DCPS: variants seen among roughly 807,000 people sequenced by gnomAD.
The protein encoded by DCPS is m7GpppX diphosphatase.
A neutral mutation model predicts 34.7 loss-of-function variants in DCPS; 27 were observed. That is an observed-to-expected ratio of 0.78 (90% confidence interval 0.57 to 1.07). DCPS has a LOEUF of 1.07. Among genes scored for constraint, DCPS ranks in the 50% least tolerant of loss-of-function variants. The pLI, the probability that DCPS is intolerant of heterozygous loss-of-function variation, is 0.00. For synonymous variants in DCPS, 185 were observed against 185.7 expected (o/e 1.00, Z 0.03); for missense variants, 464 against 436.9 (o/e 1.06, Z -0.55).
chr11:126,345,478 G>A lies in DCPS; in HGVS notation c.879G>A (p.Glu293=). ...LGFEAPGSGV[E]RAHLLAEVIE... Reference sequence around the variant, plus strand: ...TCGAGGCCCCCGGCTCAGGCGTGGAGCGGGCCCACCTGCTGGCTGAGGTGA... The same window carrying A: ...TCGAGGCCCCCGGCTCAGGCGTGGAACGGGCCCACCTGCTGGCTGAGGTGA... Residue 293 remains glutamate (E), a synonymous_variant, in exon 6 of 6, where the codon GAG becomes GAA. Transcript: ENST00000263579. This position sits in a 1 kb window ranked among gnomAD's most constrained non-coding sequence, Gnocchi z 7.4. 6.2e-7 allele frequency: 1 copy of A among 1,614,200 alleles called. No individual in the cohort carries two copies. The highest frequency in any genetic ancestry group is 8.5e-7 in the Non-Finnish European group (1 of 1,180,038).
chr11:126,329,119 G>A lies in DCPS; in HGVS notation c.377-2286G>A, dbSNP rs867800512. On this transcript the variant is annotated intron_variant, in intron 2 of 5. Transcript: ENST00000263579. The surrounding 1 kb of genome is among the most constrained non-coding windows in gnomAD (Gnocchi z 5.0). ...GGTGGTGCCGTTCAGTCTACTTCAA[G>A]CAGTCTCCCGCCTCTTGAGATCTTG... 1.3e-5 allele frequency among the ~76,000 whole-genome samples: 2 copies of A among 152,156 alleles called. No individual in the cohort carries two copies. Among genetic ancestry groups the A allele is most frequent in the South Asian group, 4.1e-4 (2 of 4,820 alleles).
In DCPS at chr11:126,327,929, G is replaced by A. The variant is rs1199355426; in HGVS notation, c.377-3476G>A. ...CTGTGAGGGAGTGAGAAGTGAAGAG[G>A]AAGCAAGCTGGTGGAGGAGACAGAG... On this transcript the variant is annotated intron_variant, in intron 2 of 5. Transcript: ENST00000263579. This position sits in a 1 kb window ranked among gnomAD's most constrained non-coding sequence, Gnocchi z 4.1. Among the ~76,000 whole-genome samples, 1 of 152,220 alleles carries A rather than the reference G, an allele frequency of 6.6e-6. No individual in the cohort carries two copies. The highest frequency in any genetic ancestry group is 1.5e-5 in the Non-Finnish European group (1 of 68,034).
rs930377033 is a variant in DCPS, at chr11:126,347,446, A to T, written c.*1833A>T. Among the ~76,000 whole-genome samples the T allele has an allele frequency of 2.6e-5, 4 of 151,524 alleles. No individual in the cohort carries two copies. Among genetic ancestry groups the T allele is most frequent in the Non-Finnish European group, 5.9e-5 (4 of 67,860 alleles). ...ACCATGTTGGCCAGGCTGGTCTCCA[A>T]CTCCTGGCCTCAGGTGATCCACCCA... On this transcript the variant is annotated 3_prime_UTR_variant, in exon 6 of 6. Coordinates refer to ENST00000263579, the MANE Select transcript of DCPS (RefSeq NM_014026.6). This position sits in a 1 kb window ranked among gnomAD's most constrained non-coding sequence, Gnocchi z 4.2.
In DCPS at chr11:126,320,658, C is replaced by T. The variant is rs905277959; in HGVS notation, c.377-10747C>T. Among the ~76,000 whole-genome samples the T allele has an allele frequency of 6.6e-6, 1 of 152,024 alleles. No homozygotes were observed. Among genetic ancestry groups the T allele is most frequent in the Non-Finnish European group, 1.5e-5 (1 of 68,022 alleles). On this transcript the variant is annotated intron_variant, in intron 2 of 5. Transcript: ENST00000263579. This position sits in a 1 kb window ranked among gnomAD's most constrained non-coding sequence, Gnocchi z 4.7. ...TATCTACAAAAAATACAAAAATTAG[C>T]CAGGTGTAGTGGTGTGTGCCTATAG...
In DCPS at chr11:126,331,419, G is replaced by A; in HGVS notation, c.391G>A (p.Val131Met). Residue 131 changes from valine (V) to methionine (M), a missense_variant, in exon 3 of 6, where the codon GTG becomes ATG. By Grantham distance (21) the Val-to-Met change is conservative. Transcript: ENST00000263579. This position sits in a 1 kb window ranked among gnomAD's most constrained non-coding sequence, Gnocchi z 7.2. ...TATCATTGCAGATGTAAAGACGACC[G>A]TGGTTTACCCTGCCACAGAGAAACA... Reference protein sequence around the residue: ...PRQLNDVKTTVVYPATEKHLQ... With the variant: ...PRQLNDVKTTMVYPATEKHLQ... 1.2e-6 allele frequency: 2 copies of A among 1,614,084 alleles called. No individual in the cohort carries two copies. Among genetic ancestry groups the A allele is most frequent in the Non-Finnish European group, 1.7e-6 (2 of 1,180,012 alleles).
intron 2 of DCPS, among the ~76,000 whole-genome samples, chr11:126,321,252 CAAAAA>C (rs776121972): frequency 3.1e-5 from 3 of 97,590 alleles, no homozygotes; most frequent in African/African-American, 3.8e-5. Flanking sequence ...GACCTTGTCT[CAAAAA>C]AAAAAAAAAA....
In DCPS at chr11:126,334,838, C is replaced by G. The variant is rs1040772995; in HGVS notation, c.522+3288C>G. Among the ~76,000 whole-genome samples the G allele has an allele frequency of 6.6e-6, 1 of 152,202 alleles. No homozygotes were observed. The highest frequency in any genetic ancestry group is 1.5e-5 in the Non-Finnish European group (1 of 68,048). On this transcript the variant is annotated intron_variant, in intron 3 of 5. Coordinates refer to ENST00000263579, the MANE Select transcript of DCPS (RefSeq NM_014026.6). This position sits in a 1 kb window ranked among gnomAD's most constrained non-coding sequence, Gnocchi z 5.5. ...TTTGAGATCATCTAGTTACAAATGTCTGTTTGTGAGTCATCCAGCTAGACT... is the reference window on the plus strand; with the variant it reads ...TTTGAGATCATCTAGTTACAAATGTGTGTTTGTGAGTCATCCAGCTAGACT...
chr11:126,343,002 G>A (rs890527513), intron 4 of DCPS, among the ~76,000 whole-genome samples: 9 of 151,218 alleles, frequency 6.0e-5, no homozygotes, highest in Non-Finnish European at 8.8e-5. Flanking sequence ...CCCAGGAGGC[G>A]GAGGTTGCAG....
rs942376967 is a variant in DCPS at position 126,342,406 on chromosome 11, C to T, written c.637-901C>T. The T allele has an allele frequency of 1.3e-5, 2 of 152,596 alleles. No individual in the cohort carries two copies. Among genetic ancestry groups the T allele is most frequent in the African/African-American group, 4.8e-5 (2 of 41,444 alleles). 9.5% of individuals were successfully genotyped at this position (152,596 alleles called of 1,614,324 possible). On this transcript the variant is annotated intron_variant, in intron 4 of 5. Transcript: ENST00000263579. This position sits in a 1 kb window ranked among gnomAD's most constrained non-coding sequence, Gnocchi z 4.4. Reference sequence around the variant, plus strand: ...AGCTGGCCCTTGGCTCCCTTCTCAGCCTTCAGACCCCACTCCACCCCTTCA... The same window carrying T: ...AGCTGGCCCTTGGCTCCCTTCTCAGTCTTCAGACCCCACTCCACCCCTTCA...
chr11:126,342,963 G>T lies in DCPS; in HGVS notation c.637-344G>T, dbSNP rs191773458. Among the ~76,000 whole-genome samples the T allele has an allele frequency of 1.3e-4, 20 of 151,702 alleles. No individual in the cohort carries two copies. Among genetic ancestry groups the T allele is most frequent in the African/African-American group, 4.8e-4 (20 of 41,362 alleles). ...CACGCACCTGTAGTCCCAGCTACTT[G>T]GGAGGCTGAGGCAGAAGAATCGCTT... On this transcript the variant is annotated intron_variant, in intron 4 of 5. Transcript: ENST00000263579. This position sits in a 1 kb window ranked among gnomAD's most constrained non-coding sequence, Gnocchi z 4.4.
rs60693807 is a variant in DCPS, at chr11:126,312,981, G to A, written c.376+6237G>A. Among the ~76,000 whole-genome samples the A allele has an allele frequency of 8.0e-3, 1,211 of 152,290 alleles. 15 individuals are homozygous for A. The highest frequency in any genetic ancestry group is 0.025 in the African/African-American group (1,019 of 41,564). On this transcript the variant is annotated intron_variant, in intron 2 of 5. Coordinates refer to ENST00000263579, the MANE Select transcript of DCPS (RefSeq NM_014026.6). This position sits in a 1 kb window ranked among gnomAD's most constrained non-coding sequence, Gnocchi z 5.1. ...TTCCTCTGACCCTCCAGGCTGGGCA[G>A]GGCCTGCATCTCCTTTCTGCCATAG...
At chr11:126,330,711 ATATATATATTTTTTTTTTTTTTTT>A (rs1222677616) in intron 2 of DCPS, among the ~76,000 whole-genome samples, 8 of 25,400 alleles carry the variant, frequency 3.1e-4, no homozygotes, top group Admixed American at 5.2e-4. Flanking sequence ...ATATATATAT[ATATATATATTTTTTTTTTTTTTTT>A]TTTTTTTTTT....
chr11:126,327,421 C>T lies in DCPS; in HGVS notation c.377-3984C>T, dbSNP rs1396189039. Among the ~76,000 whole-genome samples, 2 of 152,256 alleles carry T rather than the reference C, an allele frequency of 1.3e-5. No individual in the cohort carries two copies. The highest frequency in any genetic ancestry group is 2.4e-5 in the African/African-American group (1 of 41,544). Reference sequence around the variant, plus strand: ...GTGACGGTGACGCCCATGGCCTGGCCGAGGTGGTAGCCTTTTGCTGCTGTA... The same window carrying T: ...GTGACGGTGACGCCCATGGCCTGGCTGAGGTGGTAGCCTTTTGCTGCTGTA... On this transcript the variant is annotated intron_variant, in intron 2 of 5. Coordinates refer to ENST00000263579, the MANE Select transcript of DCPS (RefSeq NM_014026.6). The surrounding 1 kb of genome is among the most constrained non-coding windows in gnomAD (Gnocchi z 4.1).
In DCPS at chr11:126,306,674, T is replaced by C; in HGVS notation, c.306T>C (p.Pro102=). 6.2e-7 allele frequency: 1 copy of C among 1,613,804 alleles called. No homozygotes were observed. Among genetic ancestry groups the C allele is most frequent in the South Asian group, 1.1e-5 (1 of 91,066 alleles). The change falls in exon 2 of 6, where the codon CCT becomes CCC. Residue 102 remains proline, a synonymous_variant. Coordinates refer to ENST00000263579, the MANE Select transcript of DCPS (RefSeq NM_014026.6). The part of the protein sequence containing the change: ...EQVAQLLTGS[P]ELQLQFSNDI... The stretch of plus-strand genomic sequence containing the variant: ...TGGCTCAGCTCCTGACGGGCAGCCC[T>C]GAGCTCCAGTTGCAGTTCTCCAATG...
rs920367734 is a variant in DCPS at position 126,347,444 on chromosome 11, C to A, written c.*1831C>A. The stretch of plus-strand genomic sequence containing the variant: ...TCACCATGTTGGCCAGGCTGGTCTC[C>A]AACTCCTGGCCTCAGGTGATCCACC... On this transcript the variant is annotated 3_prime_UTR_variant, in exon 6 of 6. Transcript: ENST00000263579. The surrounding 1 kb of genome is among the most constrained non-coding windows in gnomAD (Gnocchi z 4.2). 2.0e-5 allele frequency among the ~76,000 whole-genome samples: 3 copies of A among 151,976 alleles called. No individual in the cohort carries two copies. The highest frequency in any genetic ancestry group is 2.0e-4 in the Admixed American group (3 of 15,240).
rs1018501112 is a variant in DCPS at position 126,332,382 on chromosome 11, A to G, written c.522+832A>G. On this transcript the variant is annotated intron_variant, in intron 3 of 5. Transcript: ENST00000263579. This position sits in a 1 kb window ranked among gnomAD's most constrained non-coding sequence, Gnocchi z 5.4. Reference sequence around the variant, plus strand: ...ATGTGAGTACTCAGAGTTAAATATGACTGATGCTTATTGATGAGTCAGTTT... The same window carrying G: ...ATGTGAGTACTCAGAGTTAAATATGGCTGATGCTTATTGATGAGTCAGTTT... 1.3e-5 allele frequency among the ~76,000 whole-genome samples: 2 copies of G among 152,126 alleles called. No homozygotes were observed. The highest frequency in any genetic ancestry group is 4.8e-5 in the African/African-American group (2 of 41,428).
chr11:126,347,457 CAG>C lies in DCPS; in HGVS notation c.*1845_*1846del, dbSNP rs1951945254. ...CAGGCTGGTCTCCAACTCCTGGCCTCAGGTGATCCACCCATCTCGGCCTCCCA... is the reference window on the plus strand; with the variant it reads ...CAGGCTGGTCTCCAACTCCTGGCCTCGTGATCCACCCATCTCGGCCTCCCA... On this transcript the variant is annotated 3_prime_UTR_variant, in exon 6 of 6. Transcript: ENST00000263579. The surrounding 1 kb of genome is among the most constrained non-coding windows in gnomAD (Gnocchi z 4.2). Among the ~76,000 whole-genome samples the C allele has an allele frequency of 6.6e-6, 1 of 152,090 alleles. No homozygotes were observed. The highest frequency in any genetic ancestry group is 1.5e-5 in the Non-Finnish European group (1 of 68,008).
chr11:126,304,112 G>A lies in DCPS; in HGVS notation c.32G>A (p.Arg11Lys), dbSNP rs760352546. MADAAPQLGK[R>K]KRELDVEEAH... ...GACGCAGCTCCTCAACTAGGCAAGA[G>A]GAAGCGCGAATTGGACGTGGAGGAG... Residue 11 changes from arginine to lysine, a missense_variant, in exon 1 of 6, where the codon AGG becomes AAG. Transcript: ENST00000263579. 10 of 1,613,132 alleles carry A rather than the reference G, an allele frequency of 6.2e-6. No individual in the cohort carries two copies. Among genetic ancestry groups the A allele is most frequent in the South Asian group, 1.1e-5 (1 of 90,948 alleles).
In DCPS at chr11:126,313,387, C is replaced by G. The variant is rs1951633421; in HGVS notation, c.376+6643C>G. Among the ~76,000 whole-genome samples, 1 of 152,134 alleles carries G rather than the reference C, an allele frequency of 6.6e-6. No individual in the cohort carries two copies. The highest frequency in any genetic ancestry group is 6.5e-5 in the Admixed American group (1 of 15,272). On this transcript the variant is annotated intron_variant, in intron 2 of 5. Coordinates refer to ENST00000263579, the MANE Select transcript of DCPS (RefSeq NM_014026.6). This position sits in a 1 kb window ranked among gnomAD's most constrained non-coding sequence, Gnocchi z 4.9. ...AGCATTTTAAAAGACAAGTCATTCT[C>G]AGAAGAGTTTGCTTGGTAGCATTGT...
Sources: gnomAD v4.1 joint callset for allele counts (sites outside exome capture counted in the v4.1 genomes callset) on GRCh38, gnomAD v4.1.1 for gene constraint, Gnocchi (gnomAD v3.1) non-coding constraint, MANE v1.5 for transcripts, NCBI Gene and HGNC (gene_info 2026-07-23, HGNC 2026-07-21) for gene names.